DPY19L3: variants seen among roughly 807,000 people sequenced by gnomAD.
The protein encoded by DPY19L3 is protein C-mannosyl-transferase DPY19L3.
A neutral mutation model predicts 92.3 loss-of-function variants in DPY19L3; 51 were observed. That is an observed-to-expected ratio of 0.55 (90% CI 0.44 to 0.70). DPY19L3 has a LOEUF of 0.70. DPY19L3 is among the 30% of genes least tolerant of loss of function. DPY19L3 has a pLI of 0.00. For missense variants in DPY19L3, 706 were observed against 855.9 expected (o/e 0.82, Z 2.18); for synonymous variants, 309 against 315.2 (o/e 0.98, Z 0.21).
intron 12 of DPY19L3, 55 bp from the exon 13 acceptor site, chr19:32,463,311 A>T: frequency 2.5e-6 from 4 of 1,588,502 alleles, no homozygotes; most frequent in Middle Eastern, 1.7e-4. Context: ...TTTTACAAAG[A>T]TCTAACTAAA....
intron 3 of DPY19L3, among the ~76,000 whole-genome samples, chr19:32,430,614 T>A (rs980185075): frequency 2.0e-5 from 3 of 151,806 alleles, no homozygotes; most frequent in Non-Finnish European, 4.4e-5. Context: ...TGGTTCTTTC[T>A]TATTTATTTA....
intron 18 of DPY19L3, chr19:32,480,866 T>C (rs1000993706): frequency 6.4e-6 from 3 of 465,842 alleles, no homozygotes; most frequent in Non-Finnish European, 1.1e-5. Context: ...AGGATTTTGC[T>C]GCTATAAACA....
intron 8 of DPY19L3, among the ~76,000 whole-genome samples, chr19:32,450,435 A>G (rs977049057): frequency 6.6e-6 from 1 of 152,212 alleles, no homozygotes; most frequent in Non-Finnish European, 1.5e-5. Flanking sequence ...TTTGTATATG[A>G]ATATTCATAG....
At chr19:32,417,318 ATTTAT>A (rs1968411567) in intron 3 of DPY19L3, among the ~76,000 whole-genome samples, 1 of 151,976 alleles carries the variant, frequency 6.6e-6, no homozygotes, top group African/African-American at 2.4e-5. Context: ...TGATGGCTTT[ATTTAT>A]TTTAATTTTT....
intron 18 of DPY19L3, 139 bp from the exon 19 acceptor site, chr19:32,481,940 G>A: frequency 1.1e-6 from 1 of 933,176 alleles, no homozygotes; most frequent in Non-Finnish European, 1.6e-6. Context: ...ATGATCTCCA[G>A]GTGCCCATGG....
chr19:32,446,680 G>T lies in DPY19L3; in HGVS notation c.856-6465G>T, dbSNP rs1470589227. Among the ~76,000 whole-genome samples the T allele has an allele frequency of 2.0e-5, 3 of 152,192 alleles. No individual in the cohort carries two copies. In the East Asian group the frequency reaches 5.8e-4, roughly 29 times the overall value. On this transcript the variant is annotated intron_variant, in intron 8 of 18. Transcript: ENST00000392250. ...CCAAGAAGAAATAGCAATCCTAAGT[G>T]TACCTGCACCAAACAACAGTACTGC...
Position 32,479,786 on chromosome 19 carries a change from G to A in DPY19L3, c.1831-613G>A, listed in dbSNP as rs559922896. ...GAACGTGAAGGGGGCCTCCTGTGGC[G>A]TTGCCCACGGTGTGCTGCAAGTGGC... On this transcript the variant is annotated intron_variant, in intron 17 of 18. Coordinates refer to ENST00000392250, the MANE Select transcript of DPY19L3 (RefSeq NM_001172774.2). 5.9e-4 allele frequency among the ~76,000 whole-genome samples: 90 copies of A among 152,342 alleles called. 1 individual carries two copies. The highest frequency in any genetic ancestry group is 2.0e-3 in the African/African-American group (83 of 41,592).
intron 8 of DPY19L3, among the ~76,000 whole-genome samples, chr19:32,448,507 G>C (rs1290457515): frequency 6.6e-6 from 1 of 152,092 alleles, no homozygotes; most frequent in East Asian, 1.9e-4. Flanking sequence ...TAACATAGTT[G>C]ATTAACAGAT....
At chr19:32,475,206 A>T (rs1465282943) in intron 16 of DPY19L3, among the ~76,000 whole-genome samples, 1 of 152,202 alleles carries the variant, frequency 6.6e-6, no homozygotes, top group Non-Finnish European at 1.5e-5. Context: ...CCTATTATAC[A>T]TTCAAAACGG....
In DPY19L3 at chr19:32,477,562, C is replaced by CAGTT; in HGVS notation, c.1739_1742dup (p.Leu582ValfsTer20). 1 of 1,614,150 alleles carries CAGTT rather than the reference C, an allele frequency of 6.2e-7. No individual in the cohort carries two copies. The highest frequency in any genetic ancestry group is 8.5e-7 in the Non-Finnish European group (1 of 1,180,040). The stretch of plus-strand genomic sequence containing the variant: ...AAAGGCTGTGTTTGCGGGAAGCATG[C>CAGTT]AGTTGCTGGCCGGAGTCAAGCTGTG... On this transcript the variant is annotated frameshift_variant, in exon 17 of 19. Coordinates refer to ENST00000392250, the MANE Select transcript of DPY19L3 (RefSeq NM_001172774.2). LOFTEE classifies it high-confidence loss of function.
chr19:32,427,832 T>C (rs1463767874), intron 3 of DPY19L3, among the ~76,000 whole-genome samples: 1 of 152,184 alleles, frequency 6.6e-6, no homozygotes. Flanking sequence ...ACAGCTGTCT[T>C]ATGGGCTACT....
chr19:32,466,177 T>G (rs1970194284), intron 15 of DPY19L3, among the ~76,000 whole-genome samples: 1 of 152,162 alleles, frequency 6.6e-6, no homozygotes, highest in South Asian at 2.1e-4. Flanking sequence ...TTGTTCGTAA[T>G]AAAATTGAGG....
At chr19:32,420,437 A>T (rs973712417) in intron 3 of DPY19L3, among the ~76,000 whole-genome samples, 1 of 150,274 alleles carries the variant, frequency 6.7e-6, no homozygotes, top group East Asian at 2.0e-4. Context: ...TTTGTTTAGT[A>T]GTTTTGTTTT....
At chr19:32,457,600 C>G (rs1040650232) in intron 10 of DPY19L3, among the ~76,000 whole-genome samples, 2 of 152,158 alleles carry the variant, frequency 1.3e-5, no homozygotes, top group Admixed American at 1.3e-4. Context: ...ATGATGAACA[C>G]TCATATTTGT....
chr19:32,422,477 A>C (rs1274343500), intron 3 of DPY19L3, among the ~76,000 whole-genome samples: 1 of 152,184 alleles, frequency 6.6e-6, no homozygotes, highest in Non-Finnish European at 1.5e-5. Flanking sequence ...CAGAAAGAGC[A>C]ATGTTGGACA....
intron 3 of DPY19L3, among the ~76,000 whole-genome samples, chr19:32,429,338 T>C (rs17692139): frequency 0.032 from 4,815 of 152,364 alleles, 97 homozygotes; most frequent in Middle Eastern, 0.092. Context: ...GGGTGTGATC[T>C]ACCAAGCGAA....
rs142648662 is a variant in DPY19L3 at position 32,476,879 on chromosome 19, TTTG to T, written c.1698-625_1698-623del. 5.2e-3 allele frequency among the ~76,000 whole-genome samples: 796 copies of T among 152,188 alleles called. 9 individuals carry two copies. Among genetic ancestry groups the T allele is most frequent in the African/African-American group, 0.018 (745 of 41,526 alleles). On this transcript the variant is annotated intron_variant, in intron 16 of 18. Coordinates refer to ENST00000392250, the MANE Select transcript of DPY19L3 (RefSeq NM_001172774.2). ...CTATTTCAGAATCTTGTTTCCATGT[TTTG>T]TTGTTGTTGTTGTTGTTAATTCTGT...
chr19:32,419,934 A>G (rs779987555), intron 3 of DPY19L3, among the ~76,000 whole-genome samples: 12 of 138,928 alleles, frequency 8.6e-5, no homozygotes, highest in Non-Finnish European at 1.2e-4. Context: ...ATTTTGGCTC[A>G]CTGCAACCTC....
chr19:32,462,674 A>C (rs2042512209), intron 12 of DPY19L3, among the ~76,000 whole-genome samples: 1 of 152,196 alleles, frequency 6.6e-6, no homozygotes, highest in South Asian at 2.1e-4. Context: ...GTTTTTTAAA[A>C]AAAGGAGATA....
Sources: allele counts gnomAD v4.1 joint callset (sites outside exome capture counted in the v4.1 genomes callset), GRCh38; gene constraint gnomAD v4.1.1; transcripts MANE v1.5; gene names NCBI Gene and HGNC (gene_info 2026-07-23, HGNC 2026-07-21).